The following ADGRV1 variants were observed in gnomAD, a reference collection of about 807,000 sequenced individuals.
ADGRV1 encodes the protein adhesion G protein-coupled receptor V1, also known as G-protein coupled receptor 98.
A neutral mutation model predicts 596.2 loss-of-function variants in ADGRV1; 359 were observed. The observed-to-expected ratio is 0.60, with a 90% CI of 0.55 to 0.66. The LOEUF (loss-of-function observed/expected upper bound fraction) is 0.66, where lower values mean the gene tolerates loss of function less well. Among genes scored for constraint, ADGRV1 ranks in the 30% least tolerant of loss-of-function variants. ADGRV1 has a pLI of 0.00. For synonymous variants in ADGRV1, 2,681 were observed against 2,679.2 expected, an observed-to-expected ratio of 1.00 and a Z score of -0.02; for missense variants, 7,274 against 7,575.6, an observed-to-expected ratio of 0.96 and a Z score of 1.48.
intron 87 of ADGRV1, among the ~76,000 whole-genome samples, chr5:91,132,222 A>T (rs980498408): frequency 6.6e-6 from 1 of 152,234 alleles, no homozygotes; most frequent in Admixed American, 6.5e-5. Context: ...TTTTCTGTAT[A>T]GAACAAATTG....
chr5:90,943,811 A>T (rs567971816), intron 83 of ADGRV1, among the ~76,000 whole-genome samples: 30 of 152,116 alleles, frequency 2.0e-4, no homozygotes, highest in South Asian at 6.2e-4. Context: ...GTCTCTTCAC[A>T]TGGCCTTCTT....
intron 85 of ADGRV1, among the ~76,000 whole-genome samples, chr5:91,022,427 C>G (rs1360825202): frequency 6.6e-6 from 1 of 151,972 alleles, no homozygotes; most frequent in East Asian, 1.9e-4. Context: ...TCCAAAAATT[C>G]TCTATGGCTT....
intron 76 of ADGRV1, among the ~76,000 whole-genome samples, chr5:90,826,029 A>T (rs139996337): frequency 3.3e-4 from 51 of 152,320 alleles, no homozygotes; most frequent in Non-Finnish European, 6.6e-4. Flanking sequence ...TTCTAGTTTC[A>T]TTAAGAGGAA....
chr5:90,999,325 A>C (rs1005236561), intron 85 of ADGRV1, among the ~76,000 whole-genome samples: 3 of 152,048 alleles, frequency 2.0e-5, no homozygotes, highest in Admixed American at 2.0e-4. Context: ...ATCTACAATA[A>C]TAGTACAGTT....
At chr5:90,945,318 C>G (rs180936449) in intron 83 of ADGRV1, among the ~76,000 whole-genome samples, 54 of 152,110 alleles carry the variant, frequency 3.6e-4, no homozygotes, top group Middle Eastern at 3.4e-3. Flanking sequence ...AAGACTGAGC[C>G]CACCAAAACT....
chr5:91,138,430 A>G (rs1192110804), intron 87 of ADGRV1, among the ~76,000 whole-genome samples: 1 of 152,082 alleles, frequency 6.6e-6, no homozygotes, highest in African/African-American at 2.4e-5. Context: ...TTAAGTTAAA[A>G]CATCTATTGA....
chr5:90,659,859 C>T (rs1434433025), intron 21 of ADGRV1, among the ~76,000 whole-genome samples: 3 of 151,980 alleles, frequency 2.0e-5, no homozygotes, highest in East Asian at 1.9e-4. Context: ...GGTGAAACCC[C>T]GTCTCTACTA....
chr5:90,720,884 A>G (rs974733541), intron 44 of ADGRV1, 51 bp from the exon 45 acceptor site: 2 of 1,501,552 alleles, frequency 1.3e-6, no homozygotes, highest in Non-Finnish European at 1.8e-6. Flanking sequence ...TATTTCAAAT[A>G]TGTAGAATGT....
chr5:90,675,494 C>A, intron 24 of ADGRV1, 49 bp downstream of exon 24: 1 of 1,492,504 alleles, frequency 6.7e-7, no homozygotes, highest in Non-Finnish European at 9.2e-7. Context: ...GTAAAACAGA[C>A]ATAATCCTTC....
At chr5:90,917,646 G>A (rs1773501156) in intron 83 of ADGRV1, among the ~76,000 whole-genome samples, 1 of 152,148 alleles carries the variant, frequency 6.6e-6, no homozygotes, top group Non-Finnish European at 1.5e-5. Context: ...CTCTATTATT[G>A]AGAGAACCAA....
rs1780415822 is a variant in ADGRV1, at chr5:90,985,475, C to T, written c.18105C>T (p.Ile6035=). Residue 6035 remains isoleucine (I), a synonymous_variant, in exon 85 of 90, where the codon ATC becomes ATT. Transcript: ENST00000405460. Reference sequence around the variant, plus strand: ...TCCTCATAGTTATTTTGAAAGGAATCTATCATCAGAGCATGTCACAGATCT... The same window carrying T: ...TCCTCATAGTTATTTTGAAAGGAATTTATCATCAGAGCATGTCACAGATCT... ...VILLIVILKG[I]YHQSMSQIYG... 1 of 1,613,814 alleles carries T rather than the reference C, an allele frequency of 6.2e-7. No homozygotes were observed. Among genetic ancestry groups the T allele is most frequent in the Non-Finnish European group, 8.5e-7 (1 of 1,179,764 alleles).
At chr5:90,850,096 C>T (rs1437693222) in intron 79 of ADGRV1, among the ~76,000 whole-genome samples, 1 of 152,142 alleles carries the variant, frequency 6.6e-6, no homozygotes, top group Non-Finnish European at 1.5e-5. Flanking sequence ...CCCAGACTTA[C>T]TTGAGTCTAC....
rs1767504270 is a variant in ADGRV1 at position 90,644,838 on chromosome 5, A to C, written c.2867A>C (p.Lys956Thr). 6.2e-7 allele frequency: 1 copy of C among 1,607,674 alleles called. No individual in the cohort carries two copies. The change falls in exon 15 of 90, where the codon AAA becomes ACA. Residue 956 changes from lysine to threonine, a missense_variant. This residue lies in a region of ADGRV1 where 1,715 missense variants were observed against 1,708.8 expected (regional missense o/e 1.00). Transcript: ENST00000405460. Reference protein sequence around the residue: ...TVVFGDQEFSKNITIYSLPDE... With the variant: ...TVVFGDQEFSTNITIYSLPDE... ...GTCTTTGGAGATCAGGAATTTTCAA[A>C]AAATATCACCATTTACTCCCTTCCA...
rs1764902352 is a variant in ADGRV1, at chr5:90,627,371, T to G, written c.833T>G (p.Ile278Arg). 1.9e-6 allele frequency: 3 copies of G among 1,613,834 alleles called. No homozygotes were observed. In the Admixed American group the frequency reaches 5.0e-5, roughly 27 times the overall value. The change falls in exon 7 of 90, where the codon ATA becomes AGA. Residue 278 changes from isoleucine to arginine, a missense_variant. Around this residue, in one of 5 missense-constraint regions of ADGRV1, gnomAD observed 1,715 missense variants for 1,708.8 expected, o/e 1.00. Coordinates refer to ENST00000405460, the MANE Select transcript of ADGRV1 (RefSeq NM_032119.4). ...SIYLVPEEDH[I>R]LIIPVVRGKD... ...TATTTGGTTCCTGAGGAAGACCACA[T>G]ACTCATAATTCCAGTAGTTCGTGGA...
intron 59 of ADGRV1, among the ~76,000 whole-genome samples, chr5:90,766,009 A>C (rs1216153700): frequency 6.6e-6 from 1 of 151,846 alleles, no homozygotes; most frequent in African/African-American, 2.4e-5. Flanking sequence ...TCCCGGGTTT[A>C]CGCCATTCTC....
chr5:90,831,524 G>T (rs949367789), intron 77 of ADGRV1, among the ~76,000 whole-genome samples: 2 of 151,932 alleles, frequency 1.3e-5, no homozygotes, highest in African/African-American at 2.4e-5. Flanking sequence ...GATAAATGGG[G>T]TATCCACCAC....
chr5:90,684,527 A>T (rs1260755416), intron 28 of ADGRV1, among the ~76,000 whole-genome samples: 1 of 152,062 alleles, frequency 6.6e-6, no homozygotes, highest in African/African-American at 2.4e-5. Flanking sequence ...ACTGCCATAA[A>T]CTGGGTGGCT....
chr5:90,808,741 A>G (rs1762140367), intron 73 of ADGRV1, among the ~76,000 whole-genome samples: 1 of 152,114 alleles, frequency 6.6e-6, no homozygotes, highest in African/African-American at 2.4e-5. Flanking sequence ...CTTAGAATAC[A>G]AAACATCAGC....
At chr5:90,848,532 A>T (rs979651797) in intron 78 of ADGRV1, 105 bp from the exon 79 acceptor site, 4 of 483,748 alleles carry the variant, frequency 8.3e-6, no homozygotes, top group Non-Finnish European at 1.3e-5. Context: ...ATCCTTACTA[A>T]TGTTAATAAC....
Sources: gnomAD v4.1 joint callset for allele counts (sites outside exome capture counted in the v4.1 genomes callset) on GRCh38, gnomAD v4.1.1 for gene constraint, gnomAD v4.1.1 regional missense constraint, MANE v1.5 for transcripts, NCBI Gene and HGNC (gene_info 2026-07-23, HGNC 2026-07-21) for gene names.